The following ADAMTS17 variants were observed in gnomAD, a reference collection of about 807,000 sequenced individuals.
ADAMTS17 encodes ADAM metallopeptidase with thrombospondin type 1 motif 17, also known as A disintegrin and metalloproteinase with thrombospondin motifs 17.
In ADAMTS17, 113 loss-of-function variants were observed where a neutral mutation model predicts 141.5. That is an observed-to-expected ratio of 0.80 (90% confidence interval 0.69 to 0.93). The LOEUF (loss-of-function observed/expected upper bound fraction) is 0.93. Ranked by LOEUF, ADAMTS17 falls within the 40% of genes least tolerant of loss-of-function variation. The probability of loss-of-function intolerance (pLI) is 0.00; values close to 1 mark genes in which losing one functional copy is unlikely to be tolerated. For missense variants in ADAMTS17, 1,659 were observed against 1,517.9 expected (o/e 1.09, Z -1.54); for synonymous variants, 768 against 630.6 (o/e 1.22, Z -3.27).
intron 2 of ADAMTS17, among the ~76,000 whole-genome samples, chr15:100,335,158 C>G (rs1269507570): frequency 6.6e-6 from 1 of 152,124 alleles, no homozygotes; most frequent in Admixed American, 6.5e-5. Flanking sequence ...TGGATGGGGC[C>G]CAGCAGTCAG....
At chr15:100,049,431 A>T (rs2031968708) in intron 17 of ADAMTS17, among the ~76,000 whole-genome samples, 1 of 152,154 alleles carries the variant, frequency 6.6e-6, no homozygotes, top group Non-Finnish European at 1.5e-5. Context: ...GCTGGGGAGA[A>T]GTGGGAGATG....
intron 3 of ADAMTS17, among the ~76,000 whole-genome samples, chr15:100,284,830 T>C (rs2044395185): frequency 6.6e-6 from 1 of 152,210 alleles, no homozygotes; most frequent in African/African-American, 2.4e-5. Flanking sequence ...AAAACACTAA[T>C]TTCAGAATAA....
chr15:100,281,517 G>C (rs1057474793), intron 3 of ADAMTS17, 116 bp from the exon 4 acceptor site: 1 of 1,339,600 alleles, frequency 7.5e-7, no homozygotes, highest in Non-Finnish European at 1.0e-6. Flanking sequence ...GACAGGCCTA[G>C]AGGGGCCCAG....
chr15:100,210,361 A>G (rs948944076), intron 7 of ADAMTS17, among the ~76,000 whole-genome samples: 26 of 152,134 alleles, frequency 1.7e-4, no homozygotes, highest in Non-Finnish European at 1.5e-5. Context: ...GTCCTGCACT[A>G]AAGAGTCCCA....
chr15:100,067,613 T>C (rs995564696), intron 15 of ADAMTS17, among the ~76,000 whole-genome samples: 16 of 152,220 alleles, frequency 1.1e-4, no homozygotes, highest in Non-Finnish European at 2.1e-4. Context: ...AGAGTACATA[T>C]GTTTATCTCT....
chr15:100,332,576 G>C (rs935922435), intron 2 of ADAMTS17, among the ~76,000 whole-genome samples: 3 of 152,232 alleles, frequency 2.0e-5, no homozygotes, highest in Non-Finnish European at 2.9e-5. Flanking sequence ...TCAGTCTAGA[G>C]TTTGCATTCA....
At chr15:100,339,914 T>C (rs1166614400) in intron 2 of ADAMTS17, among the ~76,000 whole-genome samples, 1 of 152,192 alleles carries the variant, frequency 6.6e-6, no homozygotes, top group African/African-American at 2.4e-5. Flanking sequence ...CCCAGCCTTC[T>C]AGCTTCGTAG....
At chr15:100,036,275 T>C (rs2030703389) in intron 18 of ADAMTS17, among the ~76,000 whole-genome samples, 3 of 152,246 alleles carry the variant, frequency 2.0e-5, no homozygotes, top group Admixed American at 1.3e-4. Flanking sequence ...CGGACCACAC[T>C]GGGCAAATTC....
intron 3 of ADAMTS17, among the ~76,000 whole-genome samples, chr15:100,284,393 A>G (rs571105240): frequency 6.6e-6 from 1 of 152,292 alleles, no homozygotes. Context: ...ATGCTCACCC[A>G]AGGAATGCAT....
At chr15:100,040,708 T>G (rs1201218784) in intron 18 of ADAMTS17, among the ~76,000 whole-genome samples, 4 of 151,854 alleles carry the variant, frequency 2.6e-5, no homozygotes, top group African/African-American at 9.7e-5. Flanking sequence ...CTGAAAATGC[T>G]TTCTTGTCCT....
At chr15:100,320,689 C>G (rs143966463) in intron 3 of ADAMTS17, among the ~76,000 whole-genome samples, 2 of 151,980 alleles carry the variant, frequency 1.3e-5, no homozygotes, top group Admixed American at 6.6e-5. Flanking sequence ...AAAAATTAGC[C>G]GGGTGTGGTG....
intron 13 of ADAMTS17, among the ~76,000 whole-genome samples, chr15:100,110,201 A>G (rs1384764471): frequency 6.8e-6 from 1 of 146,256 alleles, no homozygotes; most frequent in African/African-American, 2.5e-5. Flanking sequence ...TGATATATAT[A>G]TATCAGTATA....
At chr15:99,977,717 C>G (rs2060394599) in intron 20 of ADAMTS17, among the ~76,000 whole-genome samples, 1 of 151,890 alleles carries the variant, frequency 6.6e-6, no homozygotes, top group Admixed American at 6.6e-5. Context: ...TGCCTGGTGT[C>G]TCTTCACACT....
intron 14 of ADAMTS17, 50 bp downstream of exon 14, chr15:100,108,939 T>C (rs748068477): frequency 2.5e-6 from 4 of 1,610,302 alleles, no homozygotes; most frequent in Non-Finnish European, 3.4e-6. Flanking sequence ...CTGGGGAGAG[T>C]GAGTCTCCTC....
chr15:100,150,816 A>T (rs1465538471), intron 10 of ADAMTS17, among the ~76,000 whole-genome samples: 1 of 151,976 alleles, frequency 6.6e-6, no homozygotes, highest in Non-Finnish European at 1.5e-5. Flanking sequence ...CCCCAGCCCC[A>T]GTGTCTGGGG....
chr15:100,236,939 G>A (rs1181679154), intron 7 of ADAMTS17, among the ~76,000 whole-genome samples: 2 of 152,040 alleles, frequency 1.3e-5, no homozygotes, highest in South Asian at 2.1e-4. Context: ...GGAACTCTAC[G>A]GCTGAATCCC....
At chr15:100,229,878 C>T (rs2042423597) in intron 7 of ADAMTS17, among the ~76,000 whole-genome samples, 1 of 152,200 alleles carries the variant, frequency 6.6e-6, no homozygotes, top group Admixed American at 6.5e-5. Flanking sequence ...GATGAAAGGC[C>T]ACAGCACCTT....
At chr15:100,103,826 T>C (rs2036265248) in intron 14 of ADAMTS17, among the ~76,000 whole-genome samples, 1 of 152,204 alleles carries the variant, frequency 6.6e-6, no homozygotes. Flanking sequence ...TCCACCTACC[T>C]TGGCCTCTCA....
intron 10 of ADAMTS17, among the ~76,000 whole-genome samples, chr15:100,135,198 G>C (rs1350631816): frequency 6.6e-6 from 1 of 152,128 alleles, no homozygotes; most frequent in African/African-American, 2.4e-5. Flanking sequence ...GAAGAATGAG[G>C]TTAGACAAAG....
Sources: gnomAD v4.1 joint callset for allele counts (sites outside exome capture counted in the v4.1 genomes callset) on GRCh38, gnomAD v4.1.1 for gene constraint, MANE v1.5 for transcripts, NCBI Gene and HGNC (gene_info 2026-07-23, HGNC 2026-07-21) for gene names.